Variants in FCHSD1 observed in about 807,000 individuals in gnomAD.
The protein encoded by FCHSD1 is FCH and double SH3 domains 1.
In FCHSD1, 109 loss-of-function variants were observed where a neutral mutation model predicts 101.3. The ratio of observed to expected loss-of-function variants is 1.08; its 90% CI spans 0.92 to 1.26. FCHSD1 has a LOEUF of 1.26. FCHSD1 is among the 50% of genes most tolerant of loss of function. The pLI, the probability that FCHSD1 is intolerant of heterozygous loss-of-function variation, is 0.00. For missense variants in FCHSD1, 820 were observed against 895.8 expected, an observed-to-expected ratio of 0.92 and a Z score of 1.08; for synonymous variants, 291 against 356.8, an observed-to-expected ratio of 0.82 and a Z score of 2.08.
At chr5:141,643,151 C>G in intron 17 of FCHSD1, 63 bp from the exon 18 acceptor site, 1 of 1,277,248 alleles carries the variant, frequency 7.8e-7, no homozygotes, top group Admixed American at 3.4e-5. Context: ...AGCTTTTCCT[C>G]TCATCCCATC....
rs1359212022 is a variant in FCHSD1, at chr5:141,647,664, C to T, written c.706-144G>A. ...TCTTCATGAGAAAGGCCCTCGTGTG[C>T]AGAGCACTTAGAAGTTTAAAACACG... On this transcript the variant is annotated intron_variant, in intron 8 of 19. Coordinates refer to ENST00000435817, the MANE Select transcript of FCHSD1 (RefSeq NM_033449.3). The T allele has an allele frequency of 6.1e-6, 8 of 1,308,364 alleles. No individual in the cohort carries two copies. The Middle Eastern group carries it at 5.5e-4, about 90-fold the overall frequency. 81.0% of individuals were successfully genotyped at this position (1,308,364 alleles called of 1,614,324 possible).
Position 141,646,067 on chromosome 5 carries a change from A to G in FCHSD1, c.1149+20T>C, listed in dbSNP as rs1419103558. 5 of 1,594,846 alleles carry G rather than the reference A, an allele frequency of 3.1e-6. No homozygotes were observed. Among genetic ancestry groups the G allele is most frequent in the Non-Finnish European group, 4.3e-6 (5 of 1,169,154 alleles). On this transcript the variant is annotated intron_variant, in intron 12 of 19. Coordinates refer to ENST00000435817, the MANE Select transcript of FCHSD1 (RefSeq NM_033449.3). The stretch of plus-strand genomic sequence containing the variant: ...CTTGCCTGAGAAGGTGGGATCTCTA[A>G]CCTCAGGGGTGTGCCTCACCTGTGC...
Position 141,651,375 on chromosome 5 carries a change from T to G in FCHSD1, c.-7A>C. 1 of 1,552,602 alleles carries G rather than the reference T, an allele frequency of 6.4e-7. No individual in the cohort carries two copies. Among genetic ancestry groups the G allele is most frequent in the Non-Finnish European group, 8.7e-7 (1 of 1,147,744 alleles). On this transcript the variant is annotated 5_prime_UTR_variant, in exon 1 of 20. Transcript: ENST00000435817. ...TTCGGGGCGGCGGCTGCATCTCCGC[T>G]CCAGCAAGGCGGTCAGCCACTGGAC...
Position 141,640,380 on chromosome 5 carries a change from C to G in FCHSD1, c.*1118G>C, listed in dbSNP as rs1027191338. On this transcript the variant is annotated 3_prime_UTR_variant, in exon 20 of 20. Coordinates refer to ENST00000435817, the MANE Select transcript of FCHSD1 (RefSeq NM_033449.3). ...GGCACTGATAGGACCTACTCCTGGT[C>G]TCTCATTGTTGACCCCTCCCCTTTC... The G allele has an allele frequency of 1.9e-6, 3 of 1,614,128 alleles. No homozygotes were observed. The highest frequency in any genetic ancestry group is 2.5e-6 in the Non-Finnish European group (3 of 1,179,996).
At chr5:141,646,818 G>A in intron 10 of FCHSD1, 96 bp from the exon 11 acceptor site, 1 of 1,496,692 alleles carries the variant, frequency 6.7e-7, no homozygotes, top group Non-Finnish European at 8.9e-7. Context: ...CCAAGGACAA[G>A]GACAAAGAGA....
rs2099907652 is a variant in FCHSD1 at position 141,646,364 on chromosome 5, G to A, written c.1045-173C>T. The stretch of plus-strand genomic sequence containing the variant: ...GATGAGGAAATTGAAGTCCAGAGAG[G>A]TTAAGTCACTCCCTTACCTGGGGCT... On this transcript the variant is annotated intron_variant, in intron 11 of 19. Transcript: ENST00000435817. The A allele has an allele frequency of 5.5e-6, 5 of 910,028 alleles. No individual in the cohort carries two copies. In the South Asian group the frequency reaches 8.0e-5, roughly 14 times the overall value. The allele number at this position is 910,028 out of a possible 1,614,324, so 56.4% of individuals were successfully genotyped here.
rs1339492852 is a variant in FCHSD1, at chr5:141,641,160, G to A, written c.*338C>T. 6.0e-6 allele frequency: 2 copies of A among 335,632 alleles called. No homozygotes were observed. The highest frequency in any genetic ancestry group is 8.8e-5 in the Admixed American group (2 of 22,856). The allele number at this position is 335,632 out of a possible 1,614,324, so 20.8% of individuals were successfully genotyped here. ...GACCCTGGCATCCAGAGTGGGGTGG[G>A]TCATGGAGCCAGGGTGGGGAAAGAG... On this transcript the variant is annotated 3_prime_UTR_variant, in exon 20 of 20. Transcript: ENST00000435817.
At chr5:141,644,140 G>T in intron 17 of FCHSD1, 78 bp downstream of exon 17, 1 of 1,340,404 alleles carries the variant, frequency 7.5e-7, no homozygotes, top group Non-Finnish European at 1.0e-6. Context: ...GAGGCATTAA[G>T]ATGAATATGA....
At chr5:141,643,267 G>A (rs1039074714) in intron 17 of FCHSD1, among the ~76,000 whole-genome samples, 179 bp from the exon 18 acceptor site, 3 of 151,944 alleles carry the variant, frequency 2.0e-5, no homozygotes, top group African/African-American at 4.8e-5. Flanking sequence ...TGTATTGAAC[G>A]CTTATGTTTA....
At position 141,646,648 on chromosome 5, in the gene FCHSD1, G is replaced by A. The variant is rs1165307374; in HGVS notation, c.999C>T (p.Thr333=). ...SGLEKEVQRL[T]SRAARDYKIQ... ...TCTTGTAGTCACGGGCAGCTCGGCT[G>A]GTCAAGCGCTGAACCTCTTTCTCCA... Residue 333 remains threonine, a synonymous_variant, in exon 11 of 20, where the codon ACC becomes ACT. Coordinates refer to ENST00000435817, the MANE Select transcript of FCHSD1 (RefSeq NM_033449.3). 5.0e-6 allele frequency: 8 copies of A among 1,613,168 alleles called. No homozygotes were observed. Among genetic ancestry groups the A allele is most frequent in the Non-Finnish European group, 6.8e-6 (8 of 1,179,716 alleles).
intron 2 of FCHSD1, 93 bp downstream of exon 2, chr5:141,650,927 G>A: frequency 8.1e-7 from 1 of 1,241,844 alleles, no homozygotes; most frequent in East Asian, 2.5e-5. Context: ...GGAGCTCTTG[G>A]CCCCTGTTCC....
chr5:141,642,409 A>T, intron 18 of FCHSD1: 1 of 694,796 alleles, frequency 1.4e-6, no homozygotes, highest in Non-Finnish European at 2.6e-6. Context: ...ATCAGGTACA[A>T]TGTTCACTAT....
At chr5:141,642,618 A>T (rs2099907072) in intron 18 of FCHSD1, 34 of 548,174 alleles carry the variant, frequency 6.2e-5, no homozygotes, top group Non-Finnish European at 6.1e-5. Flanking sequence ...CAAAAGGTGC[A>T]TATTGGGAGG....
chr5:141,639,632 T>A lies in FCHSD1; in HGVS notation c.*1866A>T. 6.2e-7 allele frequency: 1 copy of A among 1,606,088 alleles called. No homozygotes were observed. The highest frequency in any genetic ancestry group is 2.0e-4 in the Middle Eastern group (1 of 5,090). On this transcript the variant is annotated 3_prime_UTR_variant, in exon 20 of 20. Coordinates refer to ENST00000435817, the MANE Select transcript of FCHSD1 (RefSeq NM_033449.3). This position sits in a 1 kb window ranked among gnomAD's most constrained non-coding sequence, Gnocchi z 4.4. ...GCCGCCCCCGGACAGGGGAGACCAC[T>A]GTGTTCTCTGTGGGCAGGTGGGGCA...
chr5:141,645,362 C>T (rs1368714934), intron 13 of FCHSD1, among the ~76,000 whole-genome samples: 1 of 152,208 alleles, frequency 6.6e-6, no homozygotes, highest in East Asian at 1.9e-4. Flanking sequence ...GTGCCAGGTA[C>T]AATGCAAAGT....
At chr5:141,650,159 G>A (rs558868440) in intron 3 of FCHSD1, among the ~76,000 whole-genome samples, 200 bp downstream of exon 3, 2 of 152,292 alleles carry the variant, frequency 1.3e-5, no homozygotes, top group South Asian at 2.1e-4. Flanking sequence ...CCATTTCACA[G>A]AGAAAGAAAC....
rs1301660773 is a variant in FCHSD1, at chr5:141,651,300, C to T, written c.21+48G>A. 1.9e-6 allele frequency: 3 copies of T among 1,551,600 alleles called. No individual in the cohort carries two copies. In the African/African-American group the frequency reaches 4.1e-5, roughly 21 times the overall value. On this transcript the variant is annotated intron_variant, in intron 1 of 19. Coordinates refer to ENST00000435817, the MANE Select transcript of FCHSD1 (RefSeq NM_033449.3). ...ACAAGTCGGATGCCCCCTTAGCTCC[C>T]TCCGTTCCCCCAGCCCGCCAGGAGT...
At chr5:141,642,643 G>T in intron 18 of FCHSD1, 2 of 540,648 alleles carry the variant, frequency 3.7e-6, no homozygotes, top group Non-Finnish European at 6.5e-6. Context: ...CGTGAGAGAA[G>T]TTAGCTAATT....
chr5:141,647,352 G>T, intron 9 of FCHSD1, 46 bp downstream of exon 9: 1 of 1,572,596 alleles, frequency 6.4e-7, no homozygotes, highest in Non-Finnish European at 8.6e-7. Flanking sequence ...GGGAGGGAAG[G>T]GTAAAAAGGA....
Sources: allele counts gnomAD v4.1 joint callset (sites outside exome capture counted in the v4.1 genomes callset), GRCh38; gene constraint gnomAD v4.1.1; non-coding constraint Gnocchi (gnomAD v3.1); transcripts MANE v1.5; gene names NCBI Gene and HGNC (gene_info 2026-07-23, HGNC 2026-07-21).